The following ZNF407 variants were observed in gnomAD, a reference collection of about 807,000 sequenced individuals.
ZNF407 encodes the protein zinc finger protein 407.
A neutral mutation model predicts 131.2 loss-of-function variants in ZNF407; 17 were observed. The observed-to-expected ratio is 0.13, with a 90% CI of 0.09 to 0.19. ZNF407 has a LOEUF of 0.19. Among genes scored for constraint, ZNF407 ranks in the 10% least tolerant of loss-of-function variants. ZNF407 has a pLI of 1.00. For missense variants in ZNF407, 2,681 were observed against 2,830.6 expected (o/e 0.95, Z 1.20); for synonymous variants, 1,156 against 1,062.0 (o/e 1.09, Z -1.72).
Position 74,881,080 on chromosome 18 carries a change from A to T in ZNF407, c.5089A>T (p.Thr1697Ser). The change falls in exon 6 of 9, where the codon ACC becomes TCC. Residue 1697 changes from threonine (T) to serine (S), a missense_variant. Coordinates refer to ENST00000299687, the MANE Select transcript of ZNF407 (RefSeq NM_017757.3). Reference sequence around the variant, plus strand: ...TGACCTCTGCGGCTTTGCCGGCGGGACCCGCCACGCCCTCACCAAGCATCG... The same window carrying T: ...TGACCTCTGCGGCTTTGCCGGCGGGTCCCGCCACGCCCTCACCAAGCATCG... The part of the protein sequence containing the change: ...LCDLCGFAGG[T>S]RHALTKHRRQ... The T allele has an allele frequency of 6.4e-7, 1 of 1,559,352 alleles. No individual in the cohort carries two copies.
intron 4 of ZNF407, among the ~76,000 whole-genome samples, chr18:74,798,237 C>CAG (rs1969958615): frequency 6.6e-6 from 1 of 151,420 alleles, no homozygotes; most frequent in South Asian, 2.1e-4. Flanking sequence ...CACACACACA[C>CAG]AGAGTCTCTG....
intron 8 of ZNF407, among the ~76,000 whole-genome samples, chr18:74,997,638 A>G (rs755407080): frequency 1.3e-4 from 20 of 152,102 alleles, no homozygotes; most frequent in Non-Finnish European, 2.6e-4. Flanking sequence ...GCACTTTGGA[A>G]TGTTGGGGAC....
chr18:74,821,287 T>C (rs1364952229), intron 4 of ZNF407, among the ~76,000 whole-genome samples: 2 of 152,040 alleles, frequency 1.3e-5, no homozygotes, highest in African/African-American at 2.4e-5. Context: ...ATTTTTATTA[T>C]ATTTTAAATT....
chr18:74,864,192 C>G (rs775073050), intron 4 of ZNF407, among the ~76,000 whole-genome samples: 3 of 152,150 alleles, frequency 2.0e-5, no homozygotes, highest in Non-Finnish European at 4.4e-5. Flanking sequence ...TCGTTAGAAC[C>G]CTTCCTTCTT....
intron 1 of ZNF407, among the ~76,000 whole-genome samples, chr18:74,628,534 A>G (rs1983902433): frequency 1.3e-5 from 2 of 152,166 alleles, no homozygotes; most frequent in African/African-American, 4.8e-5. Flanking sequence ...TAATGTTTCT[A>G]AGGGCCATCC....
chr18:74,986,197 G>T (rs960267840), intron 8 of ZNF407, among the ~76,000 whole-genome samples: 1 of 151,456 alleles, frequency 6.6e-6, no homozygotes, highest in Non-Finnish European at 1.5e-5. Context: ...AAATACAAAT[G>T]CAGTCTAGTG....
chr18:74,675,942 A>G (rs1986338505), intron 3 of ZNF407, among the ~76,000 whole-genome samples: 1 of 152,140 alleles, frequency 6.6e-6, no homozygotes, highest in African/African-American at 2.4e-5. Flanking sequence ...TTTATATATA[A>G]AAAAAGTTGT....
intron 8 of ZNF407, among the ~76,000 whole-genome samples, chr18:74,963,104 T>C (rs1972367037): frequency 6.6e-6 from 1 of 152,068 alleles, no homozygotes; most frequent in African/African-American, 2.4e-5. Context: ...CAATCGCACT[T>C]TCTTTAGCTC....
At chr18:74,821,427 C>G (rs1322533849) in intron 4 of ZNF407, among the ~76,000 whole-genome samples, 1 of 151,784 alleles carries the variant, frequency 6.6e-6, no homozygotes, top group Admixed American at 6.6e-5. Context: ...CCTAGTCCCC[C>G]ACCCCACAAC....
At chr18:74,814,610 C>T (rs946382551) in intron 4 of ZNF407, among the ~76,000 whole-genome samples, 1 of 152,130 alleles carries the variant, frequency 6.6e-6, no homozygotes, top group African/African-American at 2.4e-5. Flanking sequence ...GCCCTGACTG[C>T]ATTGTGGATA....
chr18:74,965,765 T>C (rs1285312160), intron 8 of ZNF407, among the ~76,000 whole-genome samples: 1 of 152,186 alleles, frequency 6.6e-6, no homozygotes. Flanking sequence ...GTTATACTTA[T>C]GTTCCCAACA....
chr18:74,716,992 AC>A (rs1392144047), intron 3 of ZNF407, among the ~76,000 whole-genome samples: 1 of 152,220 alleles, frequency 6.6e-6, no homozygotes, highest in African/African-American at 2.4e-5. Context: ...GTGTTTATAT[AC>A]AGAGAGAGTG....
intron 4 of ZNF407, among the ~76,000 whole-genome samples, chr18:74,819,135 T>A (rs1970306619): frequency 6.6e-6 from 1 of 152,112 alleles, no homozygotes; most frequent in Admixed American, 6.5e-5. Flanking sequence ...TAAAAGTTCA[T>A]TATTGAAACT....
rs140967900 is a variant in ZNF407 at position 74,607,749 on chromosome 18, T to C, written c.-54+9812T>C. The stretch of plus-strand genomic sequence containing the variant: ...AATAATCCCTTCTTATATATAAAAA[T>C]CTCATCAGGCCCTAGCACACTTACA... On this transcript the variant is annotated intron_variant, in intron 1 of 8. Transcript: ENST00000299687. Among the ~76,000 whole-genome samples, 430 of 152,276 alleles carry C rather than the reference T, an allele frequency of 2.8e-3. 3 individuals are homozygous for C. The highest frequency in any genetic ancestry group is 9.7e-3 in the African/African-American group (403 of 41,542).
intron 4 of ZNF407, among the ~76,000 whole-genome samples, chr18:74,799,355 A>C (rs186125149): frequency 4.8e-4 from 73 of 152,220 alleles, no homozygotes; most frequent in Non-Finnish European, 7.5e-4. Flanking sequence ...CCTTCCATTA[A>C]TGTGAATTAA....
chr18:74,690,008 G>A (rs184809821), intron 3 of ZNF407, among the ~76,000 whole-genome samples: 3 of 152,002 alleles, frequency 2.0e-5, no homozygotes, highest in African/African-American at 4.8e-5. Context: ...AGGTACCTCC[G>A]AAAACCTAAC....
chr18:74,737,516 C>T (rs990661993), intron 3 of ZNF407, among the ~76,000 whole-genome samples: 40 of 152,284 alleles, frequency 2.6e-4, no homozygotes, highest in African/African-American at 9.1e-4. Flanking sequence ...TGTGGTTGGT[C>T]AGTGCCTTAG....
chr18:74,993,885 C>G (rs1306033381), intron 8 of ZNF407, among the ~76,000 whole-genome samples: 1 of 152,182 alleles, frequency 6.6e-6, no homozygotes, highest in Non-Finnish European at 1.5e-5. Flanking sequence ...GAACATTCTT[C>G]TAAATGACTG....
intron 7 of ZNF407, among the ~76,000 whole-genome samples, chr18:74,914,658 C>G (rs771850803): frequency 2.0e-5 from 3 of 152,168 alleles, no homozygotes; most frequent in Non-Finnish European, 2.9e-5. Context: ...GAGGTACTTT[C>G]CTGAGATCAC....
Sources: allele counts gnomAD v4.1 joint callset (sites outside exome capture counted in the v4.1 genomes callset), GRCh38; gene constraint gnomAD v4.1.1; transcripts MANE v1.5; gene names NCBI Gene and HGNC (gene_info 2026-07-23, HGNC 2026-07-21).